The following TRIM71 variants were observed in gnomAD, a reference collection of about 807,000 sequenced individuals.
The protein encoded by TRIM71 is tripartite motif containing 71, also known as E3 ubiquitin-protein ligase TRIM71.
In TRIM71, 9 loss-of-function variants were observed where a neutral mutation model predicts 61.2. That is an observed-to-expected ratio of 0.15 (90% confidence interval 0.09 to 0.26). The LOEUF is 0.26. Among genes scored for constraint, TRIM71 ranks in the 10% least tolerant of loss-of-function variants. TRIM71 has a pLI of 1.00. For missense variants in TRIM71, 998 were observed against 1,238.7 expected, an observed-to-expected ratio of 0.81 and a Z score of 2.92; for synonymous variants, 645 against 553.2, an observed-to-expected ratio of 1.17 and a Z score of -2.33.
At position 32,890,576 on chromosome 3, in the gene TRIM71, C is replaced by G. The variant is rs761489899; in HGVS notation, c.1372C>G (p.Arg458Gly). The G allele has an allele frequency of 8.7e-6, 14 of 1,613,982 alleles. No individual in the cohort carries two copies. The highest frequency in any genetic ancestry group is 1.2e-5 in the Non-Finnish European group (14 of 1,180,030). The change falls in exon 4 of 4, where the codon CGA becomes GGA. Residue 458 changes from arginine (R) to glycine (G), a missense_variant. Coordinates refer to ENST00000383763, the MANE Select transcript of TRIM71 (RefSeq NM_001039111.3). This position sits in a 1 kb window ranked among gnomAD's most constrained non-coding sequence, Gnocchi z 6.2. ...RSLLQPQEDD[R>G]VMFTPPDQAL... ...CCTCCTGCAGCCCCAGGAAGACGACCGAGTCATGTTCACACCCCCCGATCA... is the reference window on the plus strand; with the variant it reads ...CCTCCTGCAGCCCCAGGAAGACGACGGAGTCATGTTCACACCCCCCGATCA...
chr3:32,872,367 C>A (rs1040816363), intron 1 of TRIM71, among the ~76,000 whole-genome samples: 1 of 151,608 alleles, frequency 6.6e-6, no homozygotes, highest in Non-Finnish European at 1.5e-5. Flanking sequence ...TTGAGTGAAC[C>A]ATTTAGGGGG....
At chr3:32,850,112 C>T (rs189881321) in intron 1 of TRIM71, among the ~76,000 whole-genome samples, 28 of 152,320 alleles carry the variant, frequency 1.8e-4, no homozygotes, top group South Asian at 1.7e-3. Context: ...AGTCTCCCTC[C>T]GTTCCGTGCC....
At chr3:32,854,130 A>C (rs1345303966) in intron 1 of TRIM71, among the ~76,000 whole-genome samples, 3 of 152,204 alleles carry the variant, frequency 2.0e-5, no homozygotes, top group African/African-American at 7.2e-5. Flanking sequence ...CTGGAATGAC[A>C]GGCATGTGCC....
chr3:32,890,311 C>A lies in TRIM71; in HGVS notation c.1156-49C>A. 6.4e-7 allele frequency: 1 copy of A among 1,567,272 alleles called. No homozygotes were observed. The highest frequency in any genetic ancestry group is 8.7e-7 in the Non-Finnish European group (1 of 1,152,824). ...TGTGGCTTATGTGGTATTTTCTGTG[C>A]TTGGCTCTAAGCCTCTGTGTCTTTC... is the stretch of plus-strand genomic sequence containing the variant. On this transcript the variant is annotated intron_variant, in intron 3 of 3. Coordinates refer to ENST00000383763, the MANE Select transcript of TRIM71 (RefSeq NM_001039111.3). The surrounding 1 kb of genome is among the most constrained non-coding windows in gnomAD (Gnocchi z 6.2).
At chr3:32,864,845 GGTGTGTGTGTGTGTGTGTGT>G (rs10522411) in intron 1 of TRIM71, among the ~76,000 whole-genome samples, 2,017 of 146,434 alleles carry the variant, frequency 0.014, 45 homozygotes, top group African/African-American at 0.046. Flanking sequence ...AAAATTAAGT[GGTGTGTGTGTGTGTGTGTGT>G]GTGTGTGTGT....
At chr3:32,871,234 A>G (rs903705250) in intron 1 of TRIM71, among the ~76,000 whole-genome samples, 1 of 152,176 alleles carries the variant, frequency 6.6e-6, no homozygotes, top group African/African-American at 2.4e-5. Flanking sequence ...AGATGGTTCC[A>G]TAGCCAGGTA....
rs1352270912 is a variant in TRIM71 at position 32,818,421 on chromosome 3, T to G, written c.341T>G (p.Phe114Cys). ...AGMDALPSSA[F>C]LLSNLLDAVV... ...ATGGACGCGCTGCCTTCGTCCGCCT[T>G]CCTGCTTAGCAACCTGCTCGACGCG... Residue 114 changes from phenylalanine (F) to cysteine (C), a missense_variant, in exon 1 of 4, where the codon TTC becomes TGC. Physicochemically the swap from Phe to Cys is radical, Grantham distance 205. Around this residue, in one of 5 missense-constraint regions of TRIM71, gnomAD observed 527 missense variants for 427.8 expected, o/e 1.23. Transcript: ENST00000383763. 6.8e-7 allele frequency: 1 copy of G among 1,476,926 alleles called. No individual in the cohort carries two copies. The highest frequency in any genetic ancestry group is 8.9e-7 in the Non-Finnish European group (1 of 1,118,552). 91.5% of individuals were successfully genotyped at this position (1,476,926 alleles called of 1,614,324 possible). A position where few individuals can be genotyped will look rare whatever the true frequency, so the allele number is the denominator to read the frequency against.
intron 1 of TRIM71, among the ~76,000 whole-genome samples, chr3:32,858,588 T>A (rs987483721): frequency 6.6e-6 from 1 of 152,164 alleles, no homozygotes; most frequent in African/African-American, 2.4e-5. Context: ...CTGAACAGCC[T>A]GAGCCTCCCT....
At chr3:32,828,114 A>G (rs1488390435) in intron 1 of TRIM71, among the ~76,000 whole-genome samples, 1 of 152,198 alleles carries the variant, frequency 6.6e-6, no homozygotes, top group African/African-American at 2.4e-5. Context: ...TGTATTGGAC[A>G]CTTAAAGGAA....
intron 1 of TRIM71, among the ~76,000 whole-genome samples, chr3:32,827,680 TG>T (rs911987115): frequency 2.0e-5 from 3 of 152,186 alleles, no homozygotes; most frequent in Non-Finnish European, 4.4e-5. Context: ...ATAAAGTGGG[TG>T]CAGATCAGTT....
intron 3 of TRIM71, among the ~76,000 whole-genome samples, chr3:32,888,538 G>A (rs1418415910): frequency 6.7e-6 from 1 of 148,738 alleles, no homozygotes; most frequent in African/African-American, 2.5e-5. Context: ...GCGGTTTGTT[G>A]TTGTTGTTGT....
At chr3:32,872,609 A>G (rs1401590092) in intron 1 of TRIM71, among the ~76,000 whole-genome samples, 1 of 152,206 alleles carries the variant, frequency 6.6e-6, no homozygotes, top group East Asian at 1.9e-4. Flanking sequence ...CAGTCTGCGC[A>G]GAATCGCCTG....
intron 1 of TRIM71, among the ~76,000 whole-genome samples, chr3:32,824,527 C>T (rs1696179659): frequency 6.7e-6 from 1 of 150,120 alleles, no homozygotes; most frequent in African/African-American, 2.5e-5. Context: ...GAGTCTCACT[C>T]ATCCCAGGCT....
intron 1 of TRIM71, among the ~76,000 whole-genome samples, chr3:32,850,018 G>A (rs1348444374): frequency 6.6e-6 from 1 of 152,168 alleles, no homozygotes; most frequent in Non-Finnish European, 1.5e-5. Context: ...TGTTAATTAT[G>A]TATTGCCAAA....
chr3:32,837,211 T>A (rs1485723956), intron 1 of TRIM71, among the ~76,000 whole-genome samples: 2 of 152,230 alleles, frequency 1.3e-5, no homozygotes, highest in Non-Finnish European at 2.9e-5. Context: ...TGACTGTCTG[T>A]AATTTAGTCG....
At chr3:32,880,509 AG>A in intron 2 of TRIM71, among the ~76,000 whole-genome samples, 1 of 152,226 alleles carries the variant, frequency 6.6e-6, no homozygotes, top group Non-Finnish European at 1.5e-5. Context: ...GACTTTAAAG[AG>A]ACTCACAACT....
intron 2 of TRIM71, among the ~76,000 whole-genome samples, chr3:32,876,297 G>T (rs796846074): frequency 6.6e-5 from 10 of 152,164 alleles, no homozygotes; most frequent in African/African-American, 2.4e-4. Context: ...TTAACCACTG[G>T]TGTCAGCAGG....
chr3:32,839,939 G>A (rs1028116825), intron 1 of TRIM71, among the ~76,000 whole-genome samples: 8 of 152,268 alleles, frequency 5.3e-5, no homozygotes, highest in African/African-American at 1.9e-4. Context: ...GACTCTACTG[G>A]CGATTAGAAC....
At chr3:32,873,671 G>T (rs778166553) in intron 1 of TRIM71, 147 bp from the exon 2 acceptor site, 1 of 655,310 alleles carries the variant, frequency 1.5e-6, no homozygotes, top group Non-Finnish European at 2.5e-6. Flanking sequence ...TTGCAGTTAC[G>T]CCACTGCTGC....
Sources: gnomAD v4.1 joint callset for allele counts (sites outside exome capture counted in the v4.1 genomes callset) on GRCh38, gnomAD v4.1.1 for gene constraint, gnomAD v4.1.1 regional missense constraint, Gnocchi (gnomAD v3.1) non-coding constraint, MANE v1.5 for transcripts, NCBI Gene and HGNC (gene_info 2026-07-23, HGNC 2026-07-21) for gene names.